Variants in USP20 observed in about 807,000 individuals in gnomAD.
USP20 encodes the protein ubiquitin carboxyl-terminal hydrolase 20.
In USP20, 80 loss-of-function variants were observed where a neutral mutation model predicts 124.2. That is an observed-to-expected ratio of 0.64 (90% CI 0.54 to 0.78). The LOEUF is 0.78. Ranked by LOEUF, USP20 falls within the 30% of genes least tolerant of loss-of-function variation. The probability of loss-of-function intolerance (pLI) is 0.00; values close to 1 mark genes in which losing one functional copy is unlikely to be tolerated. For missense variants in USP20, 1,043 were observed against 1,244.4 expected (o/e 0.84, Z 2.44); for synonymous variants, 481 against 512.3 (o/e 0.94, Z 0.83).
rs902732346 is a variant in USP20 at position 129,839,214 on chromosome 9, G to A, written c.-129+3715G>A. On this transcript the variant is annotated intron_variant, in intron 1 of 25. Coordinates refer to ENST00000372429, the MANE Select transcript of USP20 (RefSeq NM_001110303.4). The surrounding 1 kb of genome is among the most constrained non-coding windows in gnomAD (Gnocchi z 4.5). ...CAGTTATTCCACTTCTCTGAGCCTC[G>A]GTGTCTCCATTGTTAGTGATGGAGA... Among the ~76,000 whole-genome samples, 9 of 152,152 alleles carry A rather than the reference G, an allele frequency of 5.9e-5. No homozygotes were observed. The highest frequency in any genetic ancestry group is 1.9e-4 in the African/African-American group (8 of 41,418).
rs1302912432 is a variant in USP20, at chr9:129,846,243, ATATATTTTTTTTTT to A, written c.-128-3568_-128-3555del. On this transcript the variant is annotated intron_variant, in intron 1 of 25. Coordinates refer to ENST00000372429, the MANE Select transcript of USP20 (RefSeq NM_001110303.4). ...TGCGCCCAGCCATATATATATATAT[ATATATTTTTTTTTT>A]TTTTTTTTTTTTTTTTGAGATAGGG... 4.2e-4 allele frequency among the ~76,000 whole-genome samples: 15 copies of A among 36,028 alleles called. No homozygotes were observed. The East Asian group carries it at 7.5e-3, about 18-fold the overall frequency. 23.6% of individuals were successfully genotyped at this position (36,028 alleles called of 152,430 possible).
chr9:129,872,603 C>G (rs2034179869), intron 15 of USP20, among the ~76,000 whole-genome samples: 1 of 152,184 alleles, frequency 6.6e-6, no homozygotes, highest in Non-Finnish European at 1.5e-5. Context: ...TCGCCAGATC[C>G]AATGTCATGA....
In USP20 at chr9:129,868,159, A is replaced by T; in HGVS notation, c.845A>T (p.Glu282Val). The change falls in exon 11 of 26, where the codon GAG (glutamate) becomes GTG (valine). Residue 282 changes from glutamate (E) to valine (V), a missense_variant. By Grantham distance (121) the Glu-to-Val change is moderately radical. Coordinates refer to ENST00000372429, the MANE Select transcript of USP20 (RefSeq NM_001110303.4). ...GGTGACCGGAGCCCATCAGAAGATGAGTTCTTGTCCTGTGACTCGAGCAGT... is the reference window on the plus strand; with the variant it reads ...GGTGACCGGAGCCCATCAGAAGATGTGTTCTTGTCCTGTGACTCGAGCAGT... Reference protein sequence around the residue: ...REGDRSPSEDEFLSCDSSSDR... With the variant: ...REGDRSPSEDVFLSCDSSSDR... 6.2e-7 allele frequency: 1 copy of T among 1,614,064 alleles called. No individual in the cohort carries two copies. Among genetic ancestry groups the T allele is most frequent in the Non-Finnish European group, 8.5e-7 (1 of 1,179,982 alleles).
rs35098457 is a variant in USP20, at chr9:129,847,299, C to CTT, written c.-128-2493_-128-2492dup. Reference sequence around the variant, plus strand: ...TCCACACCCTCGCCAACAGCCAACACTTTTTTTTTTTTTTTTTTTTTTAGA... The same window carrying CTT: ...TCCACACCCTCGCCAACAGCCAACACTTTTTTTTTTTTTTTTTTTTTTTTAGA... On this transcript the variant is annotated intron_variant, in intron 1 of 25. Transcript: ENST00000372429. Among the ~76,000 whole-genome samples the CTT allele has an allele frequency of 1.6e-3, 211 of 130,860 alleles. 2 individuals carry two copies. The highest frequency in any genetic ancestry group is 5.5e-3 in the African/African-American group (193 of 35,082). The allele number at this position is 130,860 out of a possible 152,430, so 85.8% of individuals were successfully genotyped here. A position where few individuals can be genotyped will look rare whatever the true frequency, so the allele number is the denominator to read the frequency against.
At chr9:129,869,456 C>T (rs1428292879) in intron 13 of USP20, 31 bp downstream of exon 13, 2 of 1,601,934 alleles carry the variant, frequency 1.2e-6, no homozygotes. Context: ...GGGAGCTGGG[C>T]CAGGCTGCCA....
At chr9:129,864,390 C>G (rs529536239) in intron 9 of USP20, among the ~76,000 whole-genome samples, 551 of 150,708 alleles carry the variant, frequency 3.7e-3, no homozygotes, top group Admixed American at 6.2e-3. Flanking sequence ...TCGCTTGAGT[C>G]CAGGAAGTTG....
chr9:129,874,890 C>A lies in USP20; in HGVS notation c.1983C>A (p.Asp661Glu). The part of the protein sequence containing the change: ...VINGQWYEFD[D>E]QYVTEVHETV... ...ATGGGCAGTGGTACGAGTTTGATGA[C>A]CAGTACGTCACAGAAGTCCACGAGA... Residue 661 changes from aspartate to glutamate, a missense_variant, in exon 19 of 26, where the codon GAC becomes GAA. By Grantham distance (45) the Asp-to-Glu change is conservative. Coordinates refer to ENST00000372429, the MANE Select transcript of USP20 (RefSeq NM_001110303.4). 1 of 1,614,122 alleles carries A rather than the reference C, an allele frequency of 6.2e-7. No homozygotes were observed. Among genetic ancestry groups the A allele is most frequent in the Non-Finnish European group, 8.5e-7 (1 of 1,180,038 alleles).
At chr9:129,836,850 C>T (rs1211991282) in intron 1 of USP20, among the ~76,000 whole-genome samples, 1 of 151,432 alleles carries the variant, frequency 6.6e-6, no homozygotes, top group Admixed American at 6.6e-5. Context: ...GATGGAGAGG[C>T]TCCTTGGGAA....
intron 2 of USP20, among the ~76,000 whole-genome samples, chr9:129,850,381 G>T (rs1159687261): frequency 6.6e-6 from 1 of 152,182 alleles, no homozygotes; most frequent in East Asian, 1.9e-4. Flanking sequence ...TAGACAAGAA[G>T]GAGCCTCTGT....
At chr9:129,877,115 C>T (rs1056062804) in intron 22 of USP20, among the ~76,000 whole-genome samples, 4 of 152,174 alleles carry the variant, frequency 2.6e-5, no homozygotes, top group East Asian at 1.9e-4. Flanking sequence ...AGGCTCCTGG[C>T]GCACTCCCTC....
intron 3 of USP20, among the ~76,000 whole-genome samples, chr9:129,854,413 G>A (rs1442630072): frequency 6.6e-6 from 1 of 152,124 alleles, no homozygotes; most frequent in Non-Finnish European, 1.5e-5. Context: ...TTATCACAGA[G>A]GAATGAAGTC....
Position 129,879,597 on chromosome 9 carries a change from G to C in USP20, c.2537G>C (p.Ser846Thr). The C allele has an allele frequency of 6.2e-7, 1 of 1,613,818 alleles. No homozygotes were observed. The highest frequency in any genetic ancestry group is 8.5e-7 in the Non-Finnish European group (1 of 1,179,988). The change falls in exon 24 of 26, where the codon AGC becomes ACC. Residue 846 changes from serine (S) to threonine (T), a missense_variant. Coordinates refer to ENST00000372429, the MANE Select transcript of USP20 (RefSeq NM_001110303.4). This position sits in a 1 kb window ranked among gnomAD's most constrained non-coding sequence, Gnocchi z 4.2. Reference protein sequence around the residue: ...DNEPPGPIDNSRIAQVKGSGH... With the variant: ...DNEPPGPIDNTRIAQVKGSGH... ...GAGCCCCCCGGGCCCATTGACAACA[G>C]CAGGATTGCACAGGTCAAAGGAAGC...
chr9:129,850,309 C>T (rs1342160932), intron 2 of USP20, among the ~76,000 whole-genome samples: 4 of 152,098 alleles, frequency 2.6e-5, no homozygotes, highest in African/African-American at 4.8e-5. Flanking sequence ...AGCAACTGAG[C>T]GGGCCCTTAG....
chr9:129,861,515 G>A (rs752876273), intron 7 of USP20, 28 bp from the exon 8 acceptor site: 3 of 1,611,720 alleles, frequency 1.9e-6, no homozygotes, highest in Admixed American at 3.3e-5. Flanking sequence ...GTGCTCACCT[G>A]CTCCTCCCCG....
intron 14 of USP20, 123 bp downstream of exon 14, chr9:129,869,967 G>A (rs1347898353): frequency 3.2e-6 from 4 of 1,232,022 alleles, no homozygotes; most frequent in Non-Finnish European, 4.5e-6. Context: ...GGAGGAGCTG[G>A]GGGCCGAAGC....
chr9:129,864,773 CAAAAAAAA>C (rs34547264), intron 9 of USP20, among the ~76,000 whole-genome samples: 1 of 85,732 alleles, frequency 1.2e-5, no homozygotes, highest in Non-Finnish European at 2.4e-5. Context: ...GACTCTGTCC[CAAAAAAAA>C]AAAAAAAAAA....
chr9:129,847,153 C>G (rs1274270248), intron 1 of USP20, among the ~76,000 whole-genome samples: 1 of 152,154 alleles, frequency 6.6e-6, no homozygotes, highest in Non-Finnish European at 1.5e-5. Context: ...GGTGTATACC[C>G]AGATGTGGAT....
chr9:129,860,959 C>T lies in USP20; in HGVS notation c.353C>T (p.Pro118Leu). 2 of 1,613,256 alleles carry T rather than the reference C, an allele frequency of 1.2e-6. No individual in the cohort carries two copies. The highest frequency in any genetic ancestry group is 1.7e-6 in the Non-Finnish European group (2 of 1,179,238). ...CAGGACTCCCCGCCACCCTCCCACC[C>T]TCTGAAAGCTGTTCCTATTGCTGTG... ...SEQDSPPPSHPLKAVPIAVAD... is the reference protein window; with the variant it reads ...SEQDSPPPSHLLKAVPIAVAD... Residue 118 changes from proline to leucine, a missense_variant, in exon 7 of 26, where the codon CCT becomes CTT. By Grantham distance (98) the Pro-to-Leu change is moderately conservative (BLOSUM62 -3). Transcript: ENST00000372429.
intron 1 of USP20, among the ~76,000 whole-genome samples, chr9:129,841,623 G>T (rs1321142035): frequency 6.6e-6 from 1 of 152,156 alleles, no homozygotes; most frequent in Non-Finnish European, 1.5e-5. Flanking sequence ...TCTCAGCCTT[G>T]GTGGAGAAAG....
Sources: allele counts gnomAD v4.1 joint callset (sites outside exome capture counted in the v4.1 genomes callset), GRCh38; gene constraint gnomAD v4.1.1; non-coding constraint Gnocchi (gnomAD v3.1); transcripts MANE v1.5; gene names NCBI Gene and HGNC (gene_info 2026-07-23, HGNC 2026-07-21).